PLA2G6: variants seen among roughly 807,000 people sequenced by gnomAD.
PLA2G6 encodes the protein 85/88 kDa calcium-independent phospholipase A2.
Under a neutral mutation model 83.8 loss-of-function variants are expected in PLA2G6, and 62 were observed. The ratio of observed to expected loss-of-function variants is 0.74; its 90% CI spans 0.60 to 0.91. PLA2G6 has a LOEUF of 0.91. Among genes scored for constraint, PLA2G6 ranks in the 40% least tolerant of loss-of-function variants. The pLI, the probability that PLA2G6 is intolerant of heterozygous loss-of-function variation, is 0.00. For missense variants in PLA2G6, 944 were observed against 1,102.0 expected, an observed-to-expected ratio of 0.86 and a Z score of 2.03; for synonymous variants, 417 against 449.8, an observed-to-expected ratio of 0.93 and a Z score of 0.92.
In PLA2G6 at chr22:38,132,825, G is replaced by A. The variant is rs2088301693; in HGVS notation, c.1077+6C>T. 1 of 1,543,644 alleles carries A rather than the reference G, an allele frequency of 6.5e-7. No homozygotes were observed. Among genetic ancestry groups the A allele is most frequent in the South Asian group, 1.2e-5 (1 of 83,986 alleles). ...CACAGGGCAGGACACGCGGTCCTGGGCTCACCGACATGGCCAGGTGCAGCG... is the reference window on the plus strand; with the variant it reads ...CACAGGGCAGGACACGCGGTCCTGGACTCACCGACATGGCCAGGTGCAGCG... On this transcript the variant is annotated splice_donor_region_variant and intron_variant, in intron 7 of 16. Transcript: ENST00000332509. The surrounding 1 kb of genome is among the most constrained non-coding windows in gnomAD (Gnocchi z 5.0).
At position 38,129,545 on chromosome 22, in the gene PLA2G6, C is replaced by T; in HGVS notation, c.1095G>A (p.Met365Ile). The change falls in exon 8 of 17, where the codon ATG becomes ATA. Residue 365 changes from methionine to isoleucine, a missense_variant. By Grantham distance (10) the Met-to-Ile change is conservative. Transcript: ENST00000332509. ...CTCCGAACACGATGAGGGCCTTGAT[C>T]ATCTCCACGTTGTCTTTCTGTTGGA... ...HLAMSKDNVE[M>I]IKALIVFGAE... 6.2e-7 allele frequency: 1 copy of T among 1,613,692 alleles called. No individual in the cohort carries two copies. The highest frequency in any genetic ancestry group is 8.5e-7 in the Non-Finnish European group (1 of 1,179,576).
At chr22:38,112,610 C>T (rs1483805835) in intron 15 of PLA2G6, 33 bp from the exon 16 acceptor site, 9 of 1,522,540 alleles carry the variant, frequency 5.9e-6, no homozygotes, top group Non-Finnish European at 8.0e-6. Flanking sequence ...AGTGCCGGGC[C>T]CACACCCCGC....
Position 38,121,549 on chromosome 22 carries a change from C to T in PLA2G6, c.1592-640G>A, listed in dbSNP as rs369843564. ...TTCAGAACAGACAGGGCCAAGGGGC[C>T]GGCTGCACCTCCAGGAAGGAGAAGC... On this transcript the variant is annotated intron_variant, in intron 11 of 16. Transcript: ENST00000332509. 3.3e-5 allele frequency among the ~76,000 whole-genome samples: 5 copies of T among 152,286 alleles called. No homozygotes were observed. The East Asian group carries it at 5.8e-4, about 18-fold the overall frequency.
intron 10 of PLA2G6, chr22:38,125,640 C>T (rs373281743): frequency 1.3e-5 from 6 of 469,760 alleles, no homozygotes; most frequent in South Asian, 7.8e-5. Flanking sequence ...GACACTCACT[C>T]CGTGTGACCT....
chr22:38,168,365 G>A (rs2090302294), intron 2 of PLA2G6, among the ~76,000 whole-genome samples: 1 of 152,218 alleles, frequency 6.6e-6, no homozygotes, highest in African/African-American at 2.4e-5. Context: ...GCCTGCATTT[G>A]GAACCTTGGC....
At position 38,123,130 on chromosome 22, in the gene PLA2G6, C is replaced by G. The variant is rs2145721790; in HGVS notation, c.1556G>C (p.Ser519Thr). ...GGCCAGGGCCAGGATGCCTCCAGTG[C>G]TGGTGCCCGCCACCCAGTCAAACAG... ...KDLFDWVAGT[S>T]TGGILALAIL... The change falls in exon 11 of 17, where the codon AGC (serine) becomes ACC (threonine). Residue 519 changes from serine (S) to threonine (T), a missense_variant. Physicochemically the swap from Ser to Thr is moderately conservative, Grantham distance 58. Transcript: ENST00000332509. This position sits in a 1 kb window ranked among gnomAD's most constrained non-coding sequence, Gnocchi z 4.1. 2 of 1,549,924 alleles carry G rather than the reference C, an allele frequency of 1.3e-6. No homozygotes were observed. Among genetic ancestry groups the G allele is most frequent in the Non-Finnish European group, 1.7e-6 (2 of 1,147,254 alleles).
At chr22:38,167,539 T>C (rs2090268178) in intron 2 of PLA2G6, among the ~76,000 whole-genome samples, 1 of 152,136 alleles carries the variant, frequency 6.6e-6, no homozygotes. Flanking sequence ...AGTGGAGCTC[T>C]GAAGCTACAA....
chr22:38,179,525 T>C (rs2090765165), intron 1 of PLA2G6, among the ~76,000 whole-genome samples: 1 of 152,280 alleles, frequency 6.6e-6, no homozygotes, highest in Admixed American at 6.5e-5. Context: ...GGCTCACACC[T>C]GTAATCCCAC....
chr22:38,152,651 T>C (rs978691211), intron 2 of PLA2G6, among the ~76,000 whole-genome samples: 2 of 152,212 alleles, frequency 1.3e-5, no homozygotes, highest in Non-Finnish European at 2.9e-5. Flanking sequence ...CTCTTTTCTA[T>C]GTATAATACT....
In PLA2G6 at chr22:38,125,180, A is replaced by ATG. The variant is rs11570717; in HGVS notation, c.1427+1189_1427+1190dup. 2.3e-3 allele frequency among the ~76,000 whole-genome samples: 347 copies of ATG among 151,606 alleles called. 1 individual carries two copies. Among genetic ancestry groups the ATG allele is most frequent in the African/African-American group, 8.0e-3 (332 of 41,286 alleles). On this transcript the variant is annotated intron_variant, in intron 10 of 16. Transcript: ENST00000332509. The stretch of plus-strand genomic sequence containing the variant: ...TGTCCATGTGCATGCATGCATGTGT[A>ATG]TGTGTGCGCATGTGTATGTGTGTGC...
intron 12 of PLA2G6, among the ~76,000 whole-genome samples, chr22:38,117,474 C>T (rs1238717555): frequency 2.6e-5 from 4 of 151,990 alleles, no homozygotes; most frequent in Admixed American, 6.6e-5. Context: ...GGATTACAAG[C>T]GTGAGCCACT....
At position 38,145,472 on chromosome 22, in the gene PLA2G6, T is replaced by A; in HGVS notation, c.391A>T (p.Ile131Phe). Reference sequence around the variant, plus strand: ...CGGCTGTGATGGAAGCACTCGCGGATCCCTAGCTCCACAGCCAGGTGGGCC... The same window carrying A: ...CGGCTGTGATGGAAGCACTCGCGGAACCCTAGCTCCACAGCCAGGTGGGCC... Reference protein sequence around the residue: ...SVAHLAVELGIRECFHHSRII... With the variant: ...SVAHLAVELGFRECFHHSRII... The change falls in exon 3 of 17, where the codon ATC becomes TTC. Residue 131 changes from isoleucine (I) to phenylalanine (F), a missense_variant. Ile to Phe is a conservative substitution (Grantham distance 21). Transcript: ENST00000332509. The A allele has an allele frequency of 1.2e-6, 2 of 1,611,652 alleles. No individual in the cohort carries two copies. Among genetic ancestry groups the A allele is most frequent in the Non-Finnish European group, 1.7e-6 (2 of 1,179,388 alleles).
intron 15 of PLA2G6, chr22:38,112,883 T>A: frequency 1.9e-6 from 1 of 513,614 alleles, no homozygotes; most frequent in South Asian, 2.2e-5. Flanking sequence ...TTTCCCTCCC[T>A]CCCTCCTCTC....
rs2087671966 is a variant in PLA2G6, at chr22:38,123,848, A to AT, written c.1428-591dup. ...CTCCCTGACATCCCTGTGCTTATTT[A>AT]TTTAGAGACGGAGTTTCACTCTTGT... is the stretch of plus-strand genomic sequence containing the variant. On this transcript the variant is annotated intron_variant, in intron 10 of 16. Transcript: ENST00000332509. The surrounding 1 kb of genome is among the most constrained non-coding windows in gnomAD (Gnocchi z 4.1). Among the ~76,000 whole-genome samples, 1 of 152,036 alleles carries AT rather than the reference A, an allele frequency of 6.6e-6. No individual in the cohort carries two copies. The highest frequency in any genetic ancestry group is 2.4e-5 in the African/African-American group (1 of 41,382).
intron 3 of PLA2G6, 23 bp downstream of exon 3, chr22:38,145,415 A>G (rs758557111): frequency 3.8e-6 from 6 of 1,576,988 alleles, no homozygotes; most frequent in South Asian, 1.1e-5. Context: ...ACGTTGTCCA[A>G]ATGGTCTTGT....
Position 38,126,456 on chromosome 22 carries a change from G to A in PLA2G6, c.1349-7C>T, listed in dbSNP as rs1364993028. 6.2e-7 allele frequency: 1 copy of A among 1,609,790 alleles called. No homozygotes were observed. Among genetic ancestry groups the A allele is most frequent in the Admixed American group, 1.7e-5 (1 of 60,018 alleles). On this transcript the variant is annotated splice_region_variant and splice_polypyrimidine_tract_variant and intron_variant, in intron 9 of 16. Coordinates refer to ENST00000332509, the MANE Select transcript of PLA2G6 (RefSeq NM_003560.4). The stretch of plus-strand genomic sequence containing the variant: ...TGCATGAGATCCTGTAGTTCTGTGA[G>A]GCACAGAGCAGGGCATGCTGTGGTC...
chr22:38,129,475 G>A lies in PLA2G6; in HGVS notation c.1165C>T (p.Leu389=). The part of the protein sequence containing the change: ...PNDFGETPTF[L]ASKIGRLVTR... The stretch of plus-strand genomic sequence containing the variant: ...ATACGTCTGCCGATTTTGGAGGCTA[G>A]GAATGTAGGAGTCTCCCCAAAGTCA... Residue 389 remains leucine, a synonymous_variant, in exon 8 of 17, where the codon CTA becomes TTA. Transcript: ENST00000332509. The A allele has an allele frequency of 6.2e-7, 1 of 1,612,994 alleles. No individual in the cohort carries two copies. The highest frequency in any genetic ancestry group is 8.5e-7 in the Non-Finnish European group (1 of 1,178,950).
chr22:38,168,589 C>T (rs1187172918), intron 2 of PLA2G6, among the ~76,000 whole-genome samples: 2 of 152,216 alleles, frequency 1.3e-5, no homozygotes, highest in East Asian at 3.9e-4. Context: ...GTGGCTCACG[C>T]CTGCAATCCC....
At chr22:38,141,577 C>T (rs1164308342) in intron 4 of PLA2G6, 1 of 150,216 alleles carries the variant, frequency 6.7e-6, no homozygotes, top group Non-Finnish European at 1.5e-5. Flanking sequence ...TGTGGCCCTC[C>T]CTGGGCACGC....
Sources: allele counts gnomAD v4.1 joint callset (sites outside exome capture counted in the v4.1 genomes callset), GRCh38; gene constraint gnomAD v4.1.1; non-coding constraint Gnocchi (gnomAD v3.1); transcripts MANE v1.5; gene names NCBI Gene and HGNC (gene_info 2026-07-23, HGNC 2026-07-21).